The following ANAPC1 variants were observed in gnomAD, a reference collection of about 807,000 sequenced individuals.
ANAPC1 encodes anaphase-promoting complex subunit 1.
In ANAPC1, 36 loss-of-function variants were observed where a neutral mutation model predicts 208.0. That is an observed-to-expected ratio of 0.17 (90% confidence interval 0.13 to 0.23). The LOEUF (loss-of-function observed/expected upper bound fraction) is 0.23. ANAPC1 is among the 10% of genes least tolerant of loss of function. The probability of loss-of-function intolerance (pLI) is 1.00; values close to 1 mark genes in which losing one functional copy is unlikely to be tolerated. For synonymous variants in ANAPC1, 378 were observed against 695.2 expected (o/e 0.54, Z 7.18); for missense variants, 942 against 2,011.6 (o/e 0.47, Z 10.17).
chr2:111,824,824 A>C (rs1235333653), intron 24 of ANAPC1, 142 bp downstream of exon 24: 2 of 900,900 alleles, frequency 2.2e-6, no homozygotes, highest in Admixed American at 5.4e-5. Flanking sequence ...GTCGAGAAAA[A>C]AAGAATATGG....
At chr2:111,789,872 G>A (rs879930352) in intron 38 of ANAPC1, among the ~76,000 whole-genome samples, 2 of 151,994 alleles carry the variant, frequency 1.3e-5, no homozygotes, top group African/African-American at 2.4e-5. Flanking sequence ...TAAGAGACAC[G>A]GAGAGGCTCA....
chr2:111,869,821 T>C (rs905811605), intron 6 of ANAPC1, among the ~76,000 whole-genome samples: 2 of 152,168 alleles, frequency 1.3e-5, no homozygotes, highest in African/African-American at 4.8e-5. Flanking sequence ...ACCTGTGTAG[T>C]GTATGTTGTA....
chr2:111,849,586 A>C (rs2104517087), intron 14 of ANAPC1, among the ~76,000 whole-genome samples: 1 of 152,330 alleles, frequency 6.6e-6, no homozygotes, highest in South Asian at 2.1e-4. Flanking sequence ...TGGTAAATCC[A>C]GGTACCTTCC....
chr2:111,772,607 T>C (rs1676801589), intron 46 of ANAPC1, 132 bp from the exon 47 acceptor site: 1 of 514,424 alleles, frequency 1.9e-6, no homozygotes. Context: ...ATAGCCGGTA[T>C]TGAGGCTACT....
chr2:111,825,773 T>C lies in ANAPC1; in HGVS notation c.2704+4A>G, dbSNP rs183691584. On this transcript the variant is annotated splice_donor_region_variant and intron_variant, in intron 22 of 47. Coordinates refer to ENST00000341068, the MANE Select transcript of ANAPC1 (RefSeq NM_022662.4). ...TTTCCAGAGGCAACATTGCACCAAC[T>C]TACCTATAGTTATTCTGGTTAAATA... The C allele has an allele frequency of 2.6e-4, 417 of 1,612,348 alleles. 1 individual carries two copies. The African/African-American group carries it at 4.7e-3, about 18-fold the overall frequency.
chr2:111,880,386 G>A (rs1416016799), intron 2 of ANAPC1: 44 of 1,018,990 alleles, frequency 4.3e-5, no homozygotes, highest in Admixed American at 3.2e-4. Flanking sequence ...CAAAAAAATT[G>A]AAAAATAAAA....
chr2:111,830,180 G>A (rs1053412508), intron 21 of ANAPC1, among the ~76,000 whole-genome samples: 7 of 152,196 alleles, frequency 4.6e-5, no homozygotes, highest in African/African-American at 7.2e-5. Flanking sequence ...TAATTACAGC[G>A]TAGACAGCCA....
At chr2:111,859,643 G>A (rs1313310201) in intron 10 of ANAPC1, among the ~76,000 whole-genome samples, 1 of 152,122 alleles carries the variant, frequency 6.6e-6, no homozygotes, top group Non-Finnish European at 1.5e-5. Context: ...CTTCAACATT[G>A]TATCCACATC....
chr2:111,854,751 AAG>A (rs1681607000), intron 13 of ANAPC1, among the ~76,000 whole-genome samples: 1 of 152,300 alleles, frequency 6.6e-6, no homozygotes, highest in African/African-American at 2.4e-5. Flanking sequence ...CACAGAATTG[AAG>A]AGAGTTAAGG....
In ANAPC1 at chr2:111,872,573, C is replaced by A. The variant is rs1353124893; in HGVS notation, c.611+57G>T. On this transcript the variant is annotated intron_variant, in intron 6 of 47. Transcript: ENST00000341068. ...TCAAACTTTTAGATAAACCTCAGAA[C>A]CAACACAAACACACAAATCCCAAGC... 10 of 1,447,672 alleles carry A rather than the reference C, an allele frequency of 6.9e-6. No homozygotes were observed. The African/African-American group carries it at 9.9e-5, about 14-fold the overall frequency. The allele number at this position is 1,447,672 out of a possible 1,614,324, so 89.7% of individuals were successfully genotyped here. A position where few individuals can be genotyped will look rare whatever the true frequency, so the allele number is the denominator to read the frequency against.
At chr2:111,855,545 C>T (rs1029000204) in intron 13 of ANAPC1, among the ~76,000 whole-genome samples, 2 of 152,104 alleles carry the variant, frequency 1.3e-5, no homozygotes, top group African/African-American at 2.4e-5. Flanking sequence ...AAACAACACA[C>T]GCATCAACAC....
intron 17 of ANAPC1, among the ~76,000 whole-genome samples, chr2:111,839,332 G>A (rs1375627182): frequency 1.3e-5 from 2 of 152,206 alleles, no homozygotes; most frequent in Non-Finnish European, 2.9e-5. Context: ...TATTACAATA[G>A]TGAGCCTATC....
chr2:111,826,182 C>CT (rs1489975533), intron 21 of ANAPC1, among the ~76,000 whole-genome samples: 3 of 152,206 alleles, frequency 2.0e-5, no homozygotes, highest in Non-Finnish European at 4.4e-5. Flanking sequence ...GCCACCACAC[C>CT]TAGCTACATA....
At chr2:111,874,119 T>C (rs927902132) in intron 3 of ANAPC1, among the ~76,000 whole-genome samples, 1 of 152,200 alleles carries the variant, frequency 6.6e-6, no homozygotes, top group Non-Finnish European at 1.5e-5. Flanking sequence ...AAAAAGTCTT[T>C]AGAAAAACTA....
intron 8 of ANAPC1, among the ~76,000 whole-genome samples, chr2:111,864,354 G>A (rs1480558484): frequency 2.4e-5 from 3 of 127,656 alleles, no homozygotes; most frequent in African/African-American, 9.3e-5. Flanking sequence ...TGATGATGAT[G>A]ATGATGATGA....
chr2:111,871,745 C>T (rs7589766), intron 6 of ANAPC1, among the ~76,000 whole-genome samples: 149,553 of 152,196 alleles, frequency 0.98, 73,518 homozygotes, highest in East Asian at 1. Flanking sequence ...AGAGCAAAAC[C>T]CCGTCTCAAA....
intron 14 of ANAPC1, among the ~76,000 whole-genome samples, chr2:111,848,580 C>G (rs774954175): frequency 6.6e-6 from 1 of 152,000 alleles, no homozygotes; most frequent in Non-Finnish European, 1.5e-5. Flanking sequence ...AGTTCAAGAC[C>G]AGCCTGGCCA....
rs760496466 is a variant in ANAPC1 at position 111,843,607 on chromosome 2, A to C, written c.1853-8T>G. ...CTTGCAAACACGTTTGTACTATTAA[A>C]AGCAAAGATTAATTTTAGTATTCTT... On this transcript the variant is annotated splice_polypyrimidine_tract_variant and splice_region_variant and intron_variant, in intron 16 of 47. Transcript: ENST00000341068. The C allele has an allele frequency of 2.5e-6, 4 of 1,599,632 alleles. No individual in the cohort carries two copies. The Admixed American group carries it at 6.8e-5, about 27-fold the overall frequency.
At chr2:111,797,749 GT>G (rs1231971035) in intron 34 of ANAPC1, among the ~76,000 whole-genome samples, 16 of 142,276 alleles carry the variant, frequency 1.1e-4, no homozygotes, top group African/African-American at 4.0e-4. Flanking sequence ...CTATGCATTT[GT>G]AACAAAAAAC....
Sources: allele counts gnomAD v4.1 joint callset (sites outside exome capture counted in the v4.1 genomes callset), GRCh38; gene constraint gnomAD v4.1.1; transcripts MANE v1.5; gene names NCBI Gene and HGNC (gene_info 2026-07-23, HGNC 2026-07-21).